The following SH3RF2 variants were observed in gnomAD, a reference collection of about 807,000 sequenced individuals.
SH3RF2 encodes SH3 domain containing ring finger 2, also known as E3 ubiquitin-protein ligase SH3RF2.
SH3RF2 carries 43 observed loss-of-function variants against 59.0 expected under a neutral mutation model. The ratio of observed to expected loss-of-function variants is 0.73; its 90% CI spans 0.57 to 0.94. The LOEUF (loss-of-function observed/expected upper bound fraction) is 0.94, where lower values mean the gene tolerates loss of function less well. Ranked by LOEUF, SH3RF2 falls within the 40% of genes least tolerant of loss-of-function variation. The pLI is 0.00. For missense variants in SH3RF2, 930 were observed against 940.1 expected (o/e 0.99, Z 0.14); for synonymous variants, 391 against 391.5 (o/e 1.00, Z 0.01).
At chr5:146,049,902 C>A (rs528919513) in intron 7 of SH3RF2, among the ~76,000 whole-genome samples, 5 of 152,266 alleles carry the variant, frequency 3.3e-5, no homozygotes, top group Admixed American at 1.3e-4. Context: ...CCAAAACTAT[C>A]CATGACTCCT....
At chr5:145,946,443 G>T (rs888029278) in intron 2 of SH3RF2, among the ~76,000 whole-genome samples, 12 of 152,116 alleles carry the variant, frequency 7.9e-5, no homozygotes, top group African/African-American at 2.7e-4. Context: ...AGACCTCATG[G>T]GATCATGAAA....
At chr5:145,965,417 A>G (rs1758819872) in intron 2 of SH3RF2, among the ~76,000 whole-genome samples, 1 of 152,136 alleles carries the variant, frequency 6.6e-6, no homozygotes, top group Admixed American at 6.5e-5. Flanking sequence ...GCTGTGTTAC[A>G]AATCCTCCTA....
intron 2 of SH3RF2, among the ~76,000 whole-genome samples, chr5:145,971,636 A>G (rs1476942031): frequency 1.3e-5 from 2 of 152,204 alleles, no homozygotes; most frequent in Non-Finnish European, 2.9e-5. Context: ...AGGCCAAGGT[A>G]GGAATGAATG....
Position 146,006,095 on chromosome 5 carries a change from A to G in SH3RF2, c.744+1942A>G, listed in dbSNP as rs80064321. On this transcript the variant is annotated intron_variant, in intron 4 of 9. Coordinates refer to ENST00000359120, the MANE Select transcript of SH3RF2 (RefSeq NM_152550.4). Reference sequence around the variant, plus strand: ...ACTCTCAGAGACTATAAATTCAGAAAGTATTCCAGTAATTGCAAGTGTGTT... The same window carrying G: ...ACTCTCAGAGACTATAAATTCAGAAGGTATTCCAGTAATTGCAAGTGTGTT... Among the ~76,000 whole-genome samples, 608 of 152,344 alleles carry G rather than the reference A, an allele frequency of 4.0e-3. 8 individuals are homozygous for G. The highest frequency in any genetic ancestry group is 0.014 in the African/African-American group (567 of 41,576).
At position 146,060,111 on chromosome 5, in the gene SH3RF2, A is replaced by T; in HGVS notation, c.1801A>T (p.Ile601Phe). 6.2e-7 allele frequency: 1 copy of T among 1,614,090 alleles called. No individual in the cohort carries two copies. The highest frequency in any genetic ancestry group is 1.3e-5 in the African/African-American group (1 of 75,032). ...AWIHSAASSL[I>F]MEDKEIPIKS... ...GATCCACTCCGCGGCCAGCTCCCTC[A>T]TTATGGAAGACAAAGAAATCCCCAT... The change falls in exon 9 of 10, where the codon ATT becomes TTT. Residue 601 changes from isoleucine to phenylalanine, a missense_variant. Ile to Phe is a conservative substitution (Grantham distance 21). Transcript: ENST00000359120.
chr5:146,068,706 C>G lies in SH3RF2; in HGVS notation c.*33+5972C>G, dbSNP rs186890443. Reference sequence around the variant, plus strand: ...GCCTAGATTATGTCCTAGACCAAAGCAGAAACAGTGTTCCCAGGTGGCCCT... The same window carrying G: ...GCCTAGATTATGTCCTAGACCAAAGGAGAAACAGTGTTCCCAGGTGGCCCT... On this transcript the variant is annotated intron_variant, in intron 9 of 9. Coordinates refer to the SH3RF2 transcript ENST00000511217. 2.6e-5 allele frequency among the ~76,000 whole-genome samples: 4 copies of G among 152,266 alleles called. No individual in the cohort carries two copies. In the East Asian group the frequency reaches 7.7e-4, roughly 29 times the overall value.
intron 5 of SH3RF2, among the ~76,000 whole-genome samples, chr5:146,020,579 T>C (rs1462891132): frequency 6.6e-5 from 10 of 152,188 alleles, no homozygotes; most frequent in Admixed American, 6.5e-4. Flanking sequence ...CTCATATATA[T>C]CTCTCTTGTA....
intron 4 of SH3RF2, among the ~76,000 whole-genome samples, chr5:146,012,899 T>C (rs951222127): frequency 6.6e-6 from 1 of 152,130 alleles, no homozygotes; most frequent in African/African-American, 2.4e-5. Context: ...TCAGAAATTT[T>C]CCCAGCCAGT....
At chr5:146,006,995 T>TCCCACTCACAG (rs1760672925) in intron 4 of SH3RF2, among the ~76,000 whole-genome samples, 1 of 152,132 alleles carries the variant, frequency 6.6e-6, no homozygotes, top group African/African-American at 2.4e-5. Flanking sequence ...CACTTGTCAC[T>TCCCACTCACAG]CCCACTCACA....
chr5:145,959,605 CTA>C (rs554564790), intron 2 of SH3RF2, among the ~76,000 whole-genome samples: 8 of 145,406 alleles, frequency 5.5e-5, no homozygotes, highest in East Asian at 2.0e-4. Flanking sequence ...AAATCTACTG[CTA>C]TATATATATG....
chr5:146,069,643 G>A (rs577634438), intron 9 of SH3RF2, among the ~76,000 whole-genome samples: 34 of 152,110 alleles, frequency 2.2e-4, no homozygotes, highest in African/African-American at 7.2e-4. Context: ...GCACAATCTC[G>A]GCTCACTGCA....
At chr5:146,027,901 C>T (rs1003539084) in intron 5 of SH3RF2, among the ~76,000 whole-genome samples, 6 of 152,208 alleles carry the variant, frequency 3.9e-5, no homozygotes, top group Admixed American at 1.3e-4. Context: ...CCGAGGTCCT[C>T]GGTCTGGTTT....
At chr5:146,053,542 G>A (rs535653499) in intron 7 of SH3RF2, among the ~76,000 whole-genome samples, 7 of 151,016 alleles carry the variant, frequency 4.6e-5, no homozygotes, top group Admixed American at 6.6e-5. Flanking sequence ...CTTGGGATTT[G>A]GAAACTTGAA....
At chr5:146,077,676 T>G (rs560205326) in intron 9 of SH3RF2, among the ~76,000 whole-genome samples, 1 of 152,196 alleles carries the variant, frequency 6.6e-6, no homozygotes, top group Non-Finnish European at 1.5e-5. Flanking sequence ...CTTATTCAAT[T>G]GCCCTTCTAT....
chr5:146,063,880 A>G (rs1762982270), downstream of SH3RF2, among the ~76,000 whole-genome samples: 1 of 152,220 alleles, frequency 6.6e-6, no homozygotes, highest in Non-Finnish European at 1.5e-5. Context: ...AAAGAAAAAA[A>G]GAAAGCACAA....
intron 9 of SH3RF2, among the ~76,000 whole-genome samples, chr5:146,075,450 G>C (rs1005045161): frequency 6.6e-6 from 1 of 152,200 alleles, no homozygotes; most frequent in African/African-American, 2.4e-5. Flanking sequence ...GAACTGTGGG[G>C]TTTGGAAATA....
intron 3 of SH3RF2, among the ~76,000 whole-genome samples, chr5:146,003,115 G>T (rs1255794518): frequency 6.6e-6 from 1 of 152,198 alleles, no homozygotes; most frequent in Non-Finnish European, 1.5e-5. Flanking sequence ...GGTTGAACTT[G>T]ATGAATGGTT....
chr5:146,048,963 G>A (rs1762396725), intron 6 of SH3RF2, 112 bp from the exon 7 acceptor site: 1 of 1,302,570 alleles, frequency 7.7e-7, no homozygotes, highest in Non-Finnish European at 1.1e-6. Flanking sequence ...GCTCGACCAA[G>A]AAGGTTCTTA....
intron 5 of SH3RF2, among the ~76,000 whole-genome samples, chr5:146,036,253 A>T (rs1040384188): frequency 7.9e-5 from 12 of 152,194 alleles, no homozygotes; most frequent in Admixed American, 2.0e-4. Flanking sequence ...GGAAAGCATG[A>T]GGTAGAAAAT....
Sources: gnomAD v4.1 joint callset for allele counts (sites outside exome capture counted in the v4.1 genomes callset) on GRCh38, gnomAD v4.1.1 for gene constraint, MANE v1.5 for transcripts, NCBI Gene and HGNC (gene_info 2026-07-23, HGNC 2026-07-21) for gene names.